Variants in RBFOX1 observed in about 807,000 individuals in gnomAD.
RBFOX1 encodes RNA binding protein fox-1 homolog 1.
A neutral mutation model predicts 57.7 loss-of-function variants in RBFOX1; 8 were observed. That is an observed-to-expected ratio of 0.14 (90% confidence interval 0.08 to 0.25). The LOEUF (loss-of-function observed/expected upper bound fraction) is 0.25. RBFOX1 is among the 10% of genes least tolerant of loss of function. The probability of loss-of-function intolerance (pLI) is 1.00; values close to 1 mark genes in which losing one functional copy is unlikely to be tolerated. For missense variants in RBFOX1, 611 were observed against 548.5 expected, an observed-to-expected ratio of 1.11 and a Z score of -1.14; for synonymous variants, 326 against 222.4, an observed-to-expected ratio of 1.47 and a Z score of -4.15.
intron 3 of RBFOX1, among the ~76,000 whole-genome samples, chr16:6,759,322 T>C (rs1490703613): frequency 6.6e-6 from 1 of 152,094 alleles, no homozygotes; most frequent in Non-Finnish European, 1.5e-5. Context: ...GGCTAATTTT[T>C]GTATTTTTAG....
chr16:6,988,019 G>GAA, intron 3 of RBFOX1, among the ~76,000 whole-genome samples: 1 of 150,960 alleles, frequency 6.6e-6, no homozygotes. Context: ...TGTTTCTGGT[G>GAA]AAAAAAAAAT....
chr16:7,443,965 A>G (rs2098789624), intron 4 of RBFOX1, among the ~76,000 whole-genome samples: 1 of 152,182 alleles, frequency 6.6e-6, no homozygotes, highest in South Asian at 2.1e-4. Context: ...CCAAAGCTGT[A>G]CATATTTATC....
chr16:7,698,715 C>G (rs2079620337), intron 14 of RBFOX1, among the ~76,000 whole-genome samples: 1 of 152,042 alleles, frequency 6.6e-6, no homozygotes, highest in African/African-American at 2.4e-5. Flanking sequence ...CTAATTGGTC[C>G]ATTTCCAATA....
chr16:6,190,913 G>C (rs1021139417), intron 1 of RBFOX1, among the ~76,000 whole-genome samples: 1 of 152,164 alleles, frequency 6.6e-6, no homozygotes, highest in Non-Finnish European at 1.5e-5. Context: ...CTGTAAGTGA[G>C]AGTGAATGAC....
chr16:5,753,570 T>A (rs886088022), intron 3 of RBFOX1, among the ~76,000 whole-genome samples: 2 of 152,156 alleles, frequency 1.3e-5, no homozygotes, highest in Non-Finnish European at 2.9e-5. Context: ...AGCCAGCTTG[T>A]ATTGGCTGGC....
rs374589050 is a variant in RBFOX1, at chr16:6,152,929, C to T, written c.-127+132937C>T. 2.6e-5 allele frequency among the ~76,000 whole-genome samples: 4 copies of T among 152,118 alleles called. 2 individuals carry two copies. Among genetic ancestry groups the T allele is most frequent in the Admixed American group, 1.3e-4 (2 of 15,284 alleles). On this transcript the variant is annotated intron_variant, in intron 1 of 15. Transcript: ENST00000550418. ...GGAAATAAGTCGATGGTTTTAAGAG[C>T]TAGCTCAGTGCCACCCATGTTGCAA... is the stretch of plus-strand genomic sequence containing the variant.
At chr16:7,135,235 T>A (rs1436038866) in intron 4 of RBFOX1, among the ~76,000 whole-genome samples, 1 of 152,146 alleles carries the variant, frequency 6.6e-6, no homozygotes, top group Non-Finnish European at 1.5e-5. Context: ...TGTCTAGGAA[T>A]TTTTTTGTTG....
At chr16:5,525,598 A>G (rs1199160986) in intron 2 of RBFOX1, among the ~76,000 whole-genome samples, 1 of 149,966 alleles carries the variant, frequency 6.7e-6, no homozygotes, top group Non-Finnish European at 1.5e-5. Context: ...CTCAGGTGAA[A>G]GCAATTCTCC....
At chr16:6,818,465 A>G (rs545574573) in intron 3 of RBFOX1, among the ~76,000 whole-genome samples, 6 of 152,176 alleles carry the variant, frequency 3.9e-5, no homozygotes, top group African/African-American at 1.2e-4. Flanking sequence ...TGCCAGTGAG[A>G]GTTTTATGAG....
At chr16:6,081,483 C>T (rs901828555) in intron 1 of RBFOX1, among the ~76,000 whole-genome samples, 1 of 152,126 alleles carries the variant, frequency 6.6e-6, no homozygotes, top group Admixed American at 6.6e-5. Context: ...GGTTTTCTTC[C>T]TCCTCTTCCC....
At chr16:5,972,285 C>G (rs571249436) in intron 4 of RBFOX1, among the ~76,000 whole-genome samples, 2 of 152,284 alleles carry the variant, frequency 1.3e-5, no homozygotes, top group South Asian at 2.1e-4. Context: ...AAGTGGATTC[C>G]TAGAAAAAAT....
At chr16:5,854,557 A>ACC (rs796351032) in intron 3 of RBFOX1, among the ~76,000 whole-genome samples, 4 of 142,272 alleles carry the variant, frequency 2.8e-5, no homozygotes, top group African/African-American at 1.1e-4. Context: ...TACCTATCTT[A>ACC]CCCCCCCCAC....
chr16:7,484,870 G>A (rs914015915), intron 4 of RBFOX1, among the ~76,000 whole-genome samples: 1 of 152,030 alleles, frequency 6.6e-6, no homozygotes, highest in Non-Finnish European at 1.5e-5. Context: ...GGCCACCTTT[G>A]GGCTATCAGA....
At chr16:7,084,472 C>G (rs372332430) in intron 4 of RBFOX1, among the ~76,000 whole-genome samples, 36 of 152,116 alleles carry the variant, frequency 2.4e-4, no homozygotes, top group African/African-American at 8.2e-4. Flanking sequence ...TTAGAGAGAT[C>G]CATTCTTTCC....
chr16:7,048,606 T>A (rs532772908), intron 3 of RBFOX1, among the ~76,000 whole-genome samples: 22 of 152,304 alleles, frequency 1.4e-4, no homozygotes, highest in Admixed American at 2.6e-4. Context: ...TGCTGTCAAT[T>A]TTTTTCTCAG....
intron 3 of RBFOX1, among the ~76,000 whole-genome samples, chr16:6,987,256 T>G (rs559653198): frequency 6.6e-6 from 1 of 152,272 alleles, no homozygotes; most frequent in South Asian, 2.1e-4. Flanking sequence ...ATTTATTGAA[T>G]CATGGAATAT....
intron 5 of RBFOX1, among the ~76,000 whole-genome samples, chr16:7,562,392 G>T (rs1020505276): frequency 6.6e-6 from 1 of 152,134 alleles, no homozygotes; most frequent in African/African-American, 2.4e-5. Flanking sequence ...GAGTTCTAAG[G>T]GTGTCCAGGA....
At position 7,316,751 on chromosome 16, in the gene RBFOX1, T is replaced by A. The variant is rs149870517; in HGVS notation, c.28-201396T>A. Among the ~76,000 whole-genome samples, 384 of 151,248 alleles carry A rather than the reference T, an allele frequency of 2.5e-3. 2 individuals are homozygous for A. The highest frequency in any genetic ancestry group is 8.4e-3 in the African/African-American group (345 of 41,166). On this transcript the variant is annotated intron_variant, in intron 4 of 15. Transcript: ENST00000550418. ...ATGGAGTGGGAGGTAGGCAAGGAGG[T>A]GGGGTCAGGGTGGAAGAGAGGATTC...
intron 1 of RBFOX1, among the ~76,000 whole-genome samples, chr16:5,455,223 A>G (rs182761911): frequency 3.3e-5 from 5 of 152,040 alleles, no homozygotes; most frequent in African/African-American, 9.6e-5. Flanking sequence ...GGGGTTACTG[A>G]CCAGAGTGCC....
Sources: allele counts gnomAD v4.1 joint callset (sites outside exome capture counted in the v4.1 genomes callset), GRCh38; gene constraint gnomAD v4.1.1; transcripts MANE v1.5; gene names NCBI Gene and HGNC (gene_info 2026-07-23, HGNC 2026-07-21).